RARB: variants seen among roughly 807,000 people sequenced by gnomAD.
RARB encodes retinoic acid receptor beta, also known as HBV-activated protein.
Under a neutral mutation model 51.9 loss-of-function variants are expected in RARB, and 17 were observed. That is an observed-to-expected ratio of 0.33 (90% CI 0.22 to 0.49). The LOEUF is 0.49. Ranked by LOEUF, RARB falls within the 20% of genes least tolerant of loss-of-function variation. The pLI, the probability that RARB is intolerant of heterozygous loss-of-function variation, is 0.99. For synonymous variants in RARB, 215 were observed against 195.4 expected, an observed-to-expected ratio of 1.10 and a Z score of -0.84; for missense variants, 369 against 550.8, an observed-to-expected ratio of 0.67 and a Z score of 3.30.
chr3:25,390,645 A>AC (rs1220226035), intron 5 of RARB, among the ~76,000 whole-genome samples: 1 of 152,208 alleles, frequency 6.6e-6, no homozygotes, highest in Non-Finnish European at 1.5e-5. Flanking sequence ...AAATAGAATA[A>AC]CCAAATGCAT....
intron 1 of RARB, among the ~76,000 whole-genome samples, chr3:25,453,968 T>G (rs1694754967): frequency 6.6e-6 from 1 of 152,182 alleles, no homozygotes; most frequent in Non-Finnish European, 1.5e-5. Context: ...TGTTTGGCAA[T>G]TACCTAATTC....
intron 3 of RARB, among the ~76,000 whole-genome samples, chr3:25,554,171 G>A (rs1411303225): frequency 6.7e-6 from 1 of 150,374 alleles, no homozygotes; most frequent in African/African-American, 2.5e-5. Flanking sequence ...GAGGTGTAGG[G>A]CAGGGGAACT....
At chr3:24,950,711 A>AGG (rs1263694238) in intron 2 of RARB, among the ~76,000 whole-genome samples, 1 of 124,496 alleles carries the variant, frequency 8.0e-6, no homozygotes, top group East Asian at 2.5e-4. Flanking sequence ...AAGCAGGAAA[A>AGG]GGAAAAAAAA....
At chr3:25,326,305 G>A (rs1282533409) in intron 5 of RARB, among the ~76,000 whole-genome samples, 3 of 152,200 alleles carry the variant, frequency 2.0e-5, no homozygotes, top group Non-Finnish European at 2.9e-5. Flanking sequence ...AGAAAGGGGT[G>A]CAGTGAGGGC....
At chr3:25,081,028 A>C (rs982920839) in intron 3 of RARB, among the ~76,000 whole-genome samples, 1 of 151,968 alleles carries the variant, frequency 6.6e-6, no homozygotes, top group Admixed American at 6.6e-5. Context: ...ATCTTCTTCT[A>C]TGCATACTGT....
intron 4 of RARB, among the ~76,000 whole-genome samples, chr3:25,162,325 T>G (rs1700486673): frequency 6.6e-6 from 1 of 152,104 alleles, no homozygotes; most frequent in Non-Finnish European, 1.5e-5. Context: ...CCCAAGCTGG[T>G]TTCAAACTCC....
chr3:25,448,753 C>T (rs546794861), intron 1 of RARB, among the ~76,000 whole-genome samples: 3 of 152,186 alleles, frequency 2.0e-5, no homozygotes, highest in Non-Finnish European at 2.9e-5. Context: ...AGGCGTGAGC[C>T]ACCGTGCCCG....
intron 2 of RARB, among the ~76,000 whole-genome samples, chr3:25,056,977 A>G (rs1379805842): frequency 1.3e-5 from 2 of 152,034 alleles, no homozygotes; most frequent in South Asian, 2.1e-4. Context: ...ATGAGCCTTC[A>G]TTGTTAGATG....
At chr3:25,217,544 G>T (rs535919512) in intron 5 of RARB, among the ~76,000 whole-genome samples, 5 of 152,026 alleles carry the variant, frequency 3.3e-5, no homozygotes, top group Admixed American at 2.0e-4. Context: ...AGGGAGGCAA[G>T]ATGGCATAGT....
chr3:25,009,611 T>G (rs564771961), intron 2 of RARB, among the ~76,000 whole-genome samples: 2 of 152,066 alleles, frequency 1.3e-5, no homozygotes, highest in South Asian at 2.1e-4. Flanking sequence ...CTTTCCCTTG[T>G]GTTGCTGGCA....
intron 1 of RARB, among the ~76,000 whole-genome samples, chr3:25,456,834 T>C (rs1694947013): frequency 6.6e-6 from 1 of 151,738 alleles, no homozygotes. Context: ...GCATTCAAAT[T>C]ATGTTCATTT....
chr3:24,872,630 C>T (rs1365832381), intron 2 of RARB, among the ~76,000 whole-genome samples: 1 of 152,052 alleles, frequency 6.6e-6, no homozygotes, highest in East Asian at 1.9e-4. Flanking sequence ...CTCCATTAAA[C>T]AACCAGCTCT....
At chr3:24,958,659 C>G (rs1696075560) in intron 2 of RARB, among the ~76,000 whole-genome samples, 1 of 152,226 alleles carries the variant, frequency 6.6e-6, no homozygotes, top group African/African-American at 2.4e-5. Context: ...AAGCAGAGAA[C>G]TAAAGCATGT....
intron 2 of RARB, among the ~76,000 whole-genome samples, chr3:24,998,354 T>A (rs1387244093): frequency 6.6e-6 from 1 of 152,090 alleles, no homozygotes; most frequent in Non-Finnish European, 1.5e-5. Context: ...TAAATTCATT[T>A]TGTTAACACA....
intron 3 of RARB, among the ~76,000 whole-genome samples, chr3:25,112,931 T>C (rs960354080): frequency 2.6e-5 from 4 of 152,178 alleles, no homozygotes; most frequent in African/African-American, 9.7e-5. Context: ...CAACCTTAAA[T>C]TTTTTCTGAA....
intron 5 of RARB, among the ~76,000 whole-genome samples, chr3:25,408,617 G>T (rs914984500): frequency 6.6e-6 from 1 of 152,156 alleles, no homozygotes; most frequent in African/African-American, 2.4e-5. Context: ...TATGATTTAT[G>T]CAAGGTTTCC....
intron 1 of RARB, among the ~76,000 whole-genome samples, chr3:25,440,352 G>A (rs1708612544): frequency 6.6e-6 from 1 of 151,840 alleles, no homozygotes; most frequent in Non-Finnish European, 1.5e-5. Context: ...AGGCTAGGGT[G>A]GGAGGATAAT....
At chr3:25,588,681 A>G (rs1353086461) in intron 5 of RARB, among the ~76,000 whole-genome samples, 1 of 152,188 alleles carries the variant, frequency 6.6e-6, no homozygotes, top group Admixed American at 6.5e-5. Flanking sequence ...GCAGTCATCT[A>G]AAGAATTCCA....
At chr3:25,123,774 A>G (rs1043816729) in intron 3 of RARB, among the ~76,000 whole-genome samples, 4 of 152,164 alleles carry the variant, frequency 2.6e-5, no homozygotes, top group Non-Finnish European at 5.9e-5. Flanking sequence ...TTGAAAATCT[A>G]TCTTTTCAAC....
Sources: gnomAD v4.1 joint callset for allele counts (sites outside exome capture counted in the v4.1 genomes callset) on GRCh38, gnomAD v4.1.1 for gene constraint, MANE v1.5 for transcripts, NCBI Gene and HGNC (gene_info 2026-07-23, HGNC 2026-07-21) for gene names.